Variants in KALRN observed in about 807,000 individuals in gnomAD.
KALRN encodes kalirin RhoGEF kinase, also known as kalirin.
Under a neutral mutation model 353.7 loss-of-function variants are expected in KALRN, and 70 were observed. That is an observed-to-expected ratio of 0.20 (90% CI 0.16 to 0.24). KALRN has a LOEUF of 0.24. KALRN is among the 10% of genes least tolerant of loss of function. The pLI, the probability that KALRN is intolerant of heterozygous loss-of-function variation, is 1.00. For synonymous variants in KALRN, 1,391 were observed against 1,434.8 expected, an observed-to-expected ratio of 0.97 and a Z score of 0.69; for missense variants, 2,791 against 3,756.7, an observed-to-expected ratio of 0.74 and a Z score of 6.72.
intron 1 of KALRN, among the ~76,000 whole-genome samples, chr3:124,065,251 A>G (rs1292402475): frequency 6.6e-6 from 1 of 152,234 alleles, no homozygotes; most frequent in Non-Finnish European, 1.5e-5. Flanking sequence ...CAGCAGCAGC[A>G]TATGAGCCAA....
chr3:124,508,563 T>C (rs1021788229), intron 33 of KALRN, among the ~76,000 whole-genome samples: 4 of 152,206 alleles, frequency 2.6e-5, no homozygotes, highest in South Asian at 4.1e-4. Context: ...AATGTATCCA[T>C]TCTGTACATG....
chr3:124,371,351 TGAG>T (rs1228507152), intron 10 of KALRN, among the ~76,000 whole-genome samples: 1 of 152,240 alleles, frequency 6.6e-6, no homozygotes, highest in African/African-American at 2.4e-5. Context: ...TCTTGAAGGT[TGAG>T]TTCATATCTC....
At position 124,659,352 on chromosome 3, in the gene KALRN, G is replaced by A. The variant is rs751913189; in HGVS notation, c.6124-13G>A. 1 of 1,583,498 alleles carries A rather than the reference G, an allele frequency of 6.3e-7. No homozygotes were observed. Among genetic ancestry groups the A allele is most frequent in the Non-Finnish European group, 8.7e-7 (1 of 1,152,132 alleles). On this transcript the variant is annotated splice_polypyrimidine_tract_variant and intron_variant, in intron 42 of 59. Transcript: ENST00000682506. The stretch of plus-strand genomic sequence containing the variant: ...AGTTCCTTTTTCTTCTAATATTGCT[G>A]CCTGTGTTTCAGGAGGTAAAACAGG...
intron 10 of KALRN, among the ~76,000 whole-genome samples, chr3:124,363,777 G>T (rs1030460675): frequency 6.6e-6 from 1 of 152,228 alleles, no homozygotes; most frequent in African/African-American, 2.4e-5. Flanking sequence ...GATTAGCCAG[G>T]AAACTTTCCA....
chr3:124,603,535 C>T (rs532005605), intron 34 of KALRN, among the ~76,000 whole-genome samples: 27 of 152,148 alleles, frequency 1.8e-4, no homozygotes, highest in Non-Finnish European at 2.6e-4. Flanking sequence ...GTCCCTGGCT[C>T]TCCCTACAGG....
intron 34 of KALRN, among the ~76,000 whole-genome samples, chr3:124,608,438 A>C (rs997133663): frequency 2.0e-5 from 3 of 152,290 alleles, no homozygotes; most frequent in African/African-American, 7.2e-5. Context: ...CTCCTCAGGA[A>C]GAGTACTGAT....
intron 10 of KALRN, among the ~76,000 whole-genome samples, chr3:124,375,703 G>A (rs536705369): frequency 1.3e-5 from 2 of 152,230 alleles, no homozygotes; most frequent in South Asian, 4.2e-4. Flanking sequence ...TTTTATTGTT[G>A]TTGTTATTGC....
intron 13 of KALRN, among the ~76,000 whole-genome samples, chr3:124,402,270 T>C (rs1196575333): frequency 6.6e-6 from 1 of 152,202 alleles, no homozygotes; most frequent in Non-Finnish European, 1.5e-5. Flanking sequence ...CCACATAAAG[T>C]GAAACATCCT....
chr3:124,455,112 G>A, intron 21 of KALRN, 65 bp from the exon 22 acceptor site: 4 of 1,568,656 alleles, frequency 2.5e-6, no homozygotes, highest in Non-Finnish European at 3.5e-6. Context: ...AGGAAGAGAG[G>A]ATTTGGGGTG....
intron 34 of KALRN, among the ~76,000 whole-genome samples, chr3:124,567,048 G>C (rs2072931621): frequency 6.6e-6 from 1 of 152,168 alleles, no homozygotes; most frequent in Non-Finnish European, 1.5e-5. Context: ...GGTTCTTGAT[G>C]ATCCACTAGC....
At chr3:124,222,427 G>A (rs570791937) in intron 1 of KALRN, among the ~76,000 whole-genome samples, 2 of 152,338 alleles carry the variant, frequency 1.3e-5, no homozygotes, top group African/African-American at 2.4e-5. Context: ...CATGGTAGGG[G>A]CCAGAGGGGT....
intron 58 of KALRN, among the ~76,000 whole-genome samples, chr3:124,713,667 C>T (rs2062997990): frequency 6.6e-6 from 1 of 152,132 alleles, no homozygotes; most frequent in African/African-American, 2.4e-5. Context: ...TGTAATAAAG[C>T]AATAATGTCC....
intron 10 of KALRN, among the ~76,000 whole-genome samples, chr3:124,368,081 A>C (rs866949437): frequency 1.3e-4 from 3 of 23,040 alleles, no homozygotes; most frequent in African/African-American, 2.0e-4. Context: ...GCGGCTGGCC[A>C]GGCGGGGGGC....
At chr3:124,694,165 T>A (rs922030728) in intron 52 of KALRN, among the ~76,000 whole-genome samples, 167 bp from the exon 53 acceptor site, 4 of 152,248 alleles carry the variant, frequency 2.6e-5, no homozygotes, top group African/African-American at 7.2e-5. Context: ...GTTATCTCTT[T>A]TAAACACTTT....
chr3:124,521,797 A>G (rs920194138), intron 33 of KALRN, among the ~76,000 whole-genome samples: 1 of 152,192 alleles, frequency 6.6e-6, no homozygotes, highest in Non-Finnish European at 1.5e-5. Flanking sequence ...GGGTGCTTAC[A>G]GGTGTTTCAG....
chr3:124,556,981 G>A (rs1244341185), intron 33 of KALRN, among the ~76,000 whole-genome samples: 1 of 152,108 alleles, frequency 6.6e-6, no homozygotes, highest in Admixed American at 6.6e-5. Flanking sequence ...CTATTACAAA[G>A]CTTTATAAAT....
At chr3:124,438,587 T>C (rs2093560164) in intron 17 of KALRN, among the ~76,000 whole-genome samples, 1 of 150,264 alleles carries the variant, frequency 6.7e-6, no homozygotes, top group Admixed American at 6.6e-5. Context: ...ATATAATGTG[T>C]AAAAACACTG....
chr3:124,240,138 C>T (rs2080258250), intron 3 of KALRN, among the ~76,000 whole-genome samples: 2 of 152,212 alleles, frequency 1.3e-5, no homozygotes. Context: ...TATGTAACCC[C>T]AGCCCTGAAG....
chr3:124,121,953 A>G (rs1374332440), intron 1 of KALRN, among the ~76,000 whole-genome samples: 1 of 152,210 alleles, frequency 6.6e-6, no homozygotes. Context: ...CAGATGTCAC[A>G]TAGCATTCTT....
Sources: allele counts gnomAD v4.1 joint callset (sites outside exome capture counted in the v4.1 genomes callset), GRCh38; gene constraint gnomAD v4.1.1; transcripts MANE v1.5; gene names NCBI Gene and HGNC (gene_info 2026-07-23, HGNC 2026-07-21).